Variants in TRIO observed in about 807,000 individuals in gnomAD.
TRIO encodes the protein triple functional domain protein.
TRIO carries 58 observed loss-of-function variants against 351.9 expected under a neutral mutation model. The ratio of observed to expected loss-of-function variants is 0.16; its 90% confidence interval spans 0.13 to 0.21. The LOEUF (loss-of-function observed/expected upper bound fraction) is 0.21. Ranked by LOEUF, TRIO falls within the 10% of genes least tolerant of loss-of-function variation. The pLI, the probability that TRIO is intolerant of heterozygous loss-of-function variation, is 1.00. For synonymous variants in TRIO, 1,758 were observed against 1,595.7 expected, an observed-to-expected ratio of 1.10 and a Z score of -2.42; for missense variants, 3,201 against 4,027.8, an observed-to-expected ratio of 0.79 and a Z score of 5.56.
At chr5:14,431,974 A>G (rs946178799) in intron 34 of TRIO, among the ~76,000 whole-genome samples, 10 of 152,220 alleles carry the variant, frequency 6.6e-5, no homozygotes, top group African/African-American at 2.4e-4. Context: ...CCTCCTTAAA[A>G]GACCTTGTTT....
intron 1 of TRIO, among the ~76,000 whole-genome samples, chr5:14,184,613 A>G (rs1561176612): frequency 1.3e-5 from 2 of 152,226 alleles, no homozygotes; most frequent in Non-Finnish European, 2.9e-5. Flanking sequence ...TGAACACCAC[A>G]TATTCTTAGA....
rs148449726 is a variant in TRIO, at chr5:14,230,241, A to T, written c.158-40584A>T. ...TCCTCTCCTGAAAAATATTGTGTAT[A>T]AAACCTGTGCCCAAAAATGGGTGAA... is the stretch of plus-strand genomic sequence containing the variant. On this transcript the variant is annotated intron_variant, in intron 1 of 56. Transcript: ENST00000344204. Among the ~76,000 whole-genome samples the T allele has an allele frequency of 2.0e-5, 3 of 152,308 alleles. No homozygotes were observed. The East Asian group carries it at 5.8e-4, about 29-fold the overall frequency.
chr5:14,374,942 A>G (rs1488713967), intron 19 of TRIO, among the ~76,000 whole-genome samples: 1 of 152,194 alleles, frequency 6.6e-6, no homozygotes, highest in African/African-American at 2.4e-5. Context: ...TAAAGAAACT[A>G]AGGCACAAAG....
rs185792388 is a variant in TRIO, at chr5:14,246,669, T to C, written c.158-24156T>C. On this transcript the variant is annotated intron_variant, in intron 1 of 56. Coordinates refer to ENST00000344204, the MANE Select transcript of TRIO (RefSeq NM_007118.4). ...AGGGGCTGTATTTCTTCTGTTTCCC[T>C]CTCCAGTCACCCCTCGCCTCCTGTT... 2.1e-3 allele frequency among the ~76,000 whole-genome samples: 322 copies of C among 152,298 alleles called. 1 individual carries two copies. The highest frequency in any genetic ancestry group is 2.2e-4 in the Non-Finnish European group (15 of 68,018).
At position 14,498,225 on chromosome 5, in the gene TRIO, C is replaced by T. The variant is rs780605480; in HGVS notation, c.8184C>T (p.Asn2728=). 2.5e-6 allele frequency: 4 copies of T among 1,614,216 alleles called. No individual in the cohort carries two copies. The highest frequency in any genetic ancestry group is 3.3e-5 in the Admixed American group (2 of 60,032). ...GCCCTGAACACAACACCTTGAACAACGATGGTCACTACAGCATCTCCTACA... is the reference window on the plus strand; with the variant it reads ...GCCCTGAACACAACACCTTGAACAATGATGGTCACTACAGCATCTCCTACA... ...WKGPEHNTLN[N]DGHYSISYSD... is the part of the protein sequence containing the mutation. Residue 2728 remains asparagine (N), a synonymous_variant, in exon 52 of 57, where the codon AAC becomes AAT. Transcript: ENST00000344204.
intron 1 of TRIO, among the ~76,000 whole-genome samples, chr5:14,196,656 T>C (rs1790790810): frequency 6.6e-6 from 1 of 152,178 alleles, no homozygotes; most frequent in South Asian, 2.1e-4. Flanking sequence ...TCTCCCCGTT[T>C]CTTAAGACAG....
chr5:14,169,539 ATTG>A (rs1158248870), intron 1 of TRIO, among the ~76,000 whole-genome samples: 1 of 152,140 alleles, frequency 6.6e-6, no homozygotes, highest in Non-Finnish European at 1.5e-5. Flanking sequence ...TTCTCTTGTG[ATTG>A]TCAAGTCTTT....
intron 19 of TRIO, among the ~76,000 whole-genome samples, chr5:14,375,199 C>G (rs780909669): frequency 6.6e-6 from 1 of 152,146 alleles, no homozygotes; most frequent in Admixed American, 6.5e-5. Flanking sequence ...GCTTTTTCTT[C>G]TGGAAAAATG....
At chr5:14,298,436 A>G (rs984082919) in intron 7 of TRIO, among the ~76,000 whole-genome samples, 8 of 152,230 alleles carry the variant, frequency 5.3e-5, no homozygotes, top group African/African-American at 1.7e-4. Flanking sequence ...GCTTAATTTA[A>G]AAAGGAAAAA....
rs1002615339 is a variant in TRIO, at chr5:14,242,381, A to G, written c.158-28444A>G. ...ATAAAGATCATTTCTGTGAAACACA[A>G]AAGATACCAATCTTATACAAATCAG... is the stretch of plus-strand genomic sequence containing the variant. On this transcript the variant is annotated intron_variant, in intron 1 of 56. Transcript: ENST00000344204. Among the ~76,000 whole-genome samples, 12 of 152,280 alleles carry G rather than the reference A, an allele frequency of 7.9e-5. 1 individual carries two copies. The highest frequency in any genetic ancestry group is 1.3e-4 in the Admixed American group (2 of 15,292).
chr5:14,373,184 T>G (rs1354957968), intron 18 of TRIO, among the ~76,000 whole-genome samples: 1 of 152,152 alleles, frequency 6.6e-6, no homozygotes, highest in East Asian at 1.9e-4. Flanking sequence ...CGCTGACATG[T>G]GGAGATTACA....
intron 34 of TRIO, among the ~76,000 whole-genome samples, chr5:14,425,476 T>C (rs1309433274): frequency 6.6e-6 from 1 of 152,254 alleles, no homozygotes; most frequent in African/African-American, 2.4e-5. Context: ...TTGGGTTGCT[T>C]CTGCCTTTTG....
intron 3 of TRIO, among the ~76,000 whole-genome samples, chr5:14,284,941 C>A (rs1454137163): frequency 6.6e-6 from 1 of 152,166 alleles, no homozygotes; most frequent in Non-Finnish European, 1.5e-5. Context: ...GCTGCCCTCA[C>A]CCCAGTGCCT....
At chr5:14,501,671 C>T (rs1346784679) in intron 53 of TRIO, among the ~76,000 whole-genome samples, 2 of 152,204 alleles carry the variant, frequency 1.3e-5, no homozygotes, top group African/African-American at 4.8e-5. Flanking sequence ...TTTAAGGAAA[C>T]GCATTCCCAG....
At chr5:14,416,073 A>G (rs1321297721) in intron 33 of TRIO, among the ~76,000 whole-genome samples, 1 of 151,432 alleles carries the variant, frequency 6.6e-6, no homozygotes, top group African/African-American at 2.4e-5. Flanking sequence ...CTTGCACAAA[A>G]TATGGTTAGA....
chr5:14,372,219 G>T (rs1367800216), intron 18 of TRIO, among the ~76,000 whole-genome samples: 1 of 132,810 alleles, frequency 7.5e-6, no homozygotes, highest in Non-Finnish European at 1.6e-5. Flanking sequence ...GCGGAGGGGG[G>T]GCGATGGTGG....
intron 46 of TRIO, among the ~76,000 whole-genome samples, chr5:14,484,631 T>C (rs1053477688): frequency 1.3e-5 from 2 of 152,222 alleles, no homozygotes; most frequent in African/African-American, 4.8e-5. Flanking sequence ...ATAACATAAA[T>C]GTTCCATCTT....
Position 14,497,945 on chromosome 5 carries a change from G to C in TRIO, c.8047+71G>C, listed in dbSNP as rs1757007269. On this transcript the variant is annotated intron_variant, in intron 51 of 56. Coordinates refer to ENST00000344204, the MANE Select transcript of TRIO (RefSeq NM_007118.4). The surrounding 1 kb of genome is among the most constrained non-coding windows in gnomAD (Gnocchi z 4.4). The stretch of plus-strand genomic sequence containing the variant: ...CTGTGGGGCATGTTTCAGAGCACTT[G>C]AGTGTGGCCTCTGGAAATGAGTTTT... The C allele has an allele frequency of 1.2e-6, 2 of 1,611,278 alleles. No homozygotes were observed. Among genetic ancestry groups the C allele is most frequent in the Non-Finnish European group, 1.7e-6 (2 of 1,177,594 alleles).
chr5:14,483,470 C>A (rs1755681443), intron 46 of TRIO, among the ~76,000 whole-genome samples: 1 of 152,174 alleles, frequency 6.6e-6, no homozygotes, highest in African/African-American at 2.4e-5. Flanking sequence ...GGCCTCCTGC[C>A]CTACGCCATC....
Sources: gnomAD v4.1 joint callset for allele counts (sites outside exome capture counted in the v4.1 genomes callset) on GRCh38, gnomAD v4.1.1 for gene constraint, Gnocchi (gnomAD v3.1) non-coding constraint, MANE v1.5 for transcripts, NCBI Gene and HGNC (gene_info 2026-07-23, HGNC 2026-07-21) for gene names.